Variants in NFU1 observed in about 807,000 individuals in gnomAD.
NFU1 encodes the protein NFU1 iron-sulfur cluster scaffold, also known as NFU1 iron-sulfur cluster scaffold homolog, mitochondrial.
In NFU1, 30 loss-of-function variants were observed where a neutral mutation model predicts 32.2. That is an observed-to-expected ratio of 0.93 (90% CI 0.70 to 1.26). The LOEUF (loss-of-function observed/expected upper bound fraction) is 1.26, where lower values mean the gene tolerates loss of function less well. Ranked by LOEUF, NFU1 falls within the 50% of genes most tolerant of loss-of-function variation. The probability of loss-of-function intolerance (pLI) is 0.00; values close to 1 mark genes in which losing one functional copy is unlikely to be tolerated. For missense variants in NFU1, 306 were observed against 306.6 expected, an observed-to-expected ratio of 1.00 and a Z score of 0.02; for synonymous variants, 112 against 104.6, an observed-to-expected ratio of 1.07 and a Z score of -0.43.
intron 2 of NFU1, among the ~76,000 whole-genome samples, chr2:69,431,673 GA>G (rs1467704591): frequency 6.6e-6 from 1 of 152,122 alleles, no homozygotes. Context: ...TGTTGCAGGG[GA>G]TATGTTATAC....
intron 5 of NFU1, among the ~76,000 whole-genome samples, chr2:69,412,631 C>T (rs558846638): frequency 1.7e-3 from 259 of 152,182 alleles, no homozygotes; most frequent in African/African-American, 5.8e-3. Flanking sequence ...GTGATCCACC[C>T]GCCTCGGCCT....
At chr2:69,436,313 T>C (rs892325814) in intron 1 of NFU1, among the ~76,000 whole-genome samples, 11 of 152,324 alleles carry the variant, frequency 7.2e-5, no homozygotes, top group South Asian at 4.1e-4. Flanking sequence ...CATTATTTAA[T>C]TGGTGCCCAA....
chr2:69,408,232 A>G (rs1406206638), intron 5 of NFU1, among the ~76,000 whole-genome samples: 1 of 152,118 alleles, frequency 6.6e-6, no homozygotes, highest in East Asian at 1.9e-4. Flanking sequence ...ATACTATTCT[A>G]TATCTTGCTC....
At chr2:69,417,757 G>T (rs1673104617) in intron 4 of NFU1, among the ~76,000 whole-genome samples, 1 of 149,352 alleles carries the variant, frequency 6.7e-6, no homozygotes, top group South Asian at 2.1e-4. Context: ...TTTCACTTAA[G>T]AAAAAATTGT....
chr2:69,437,500 G>A, upstream of NFU1: 2 of 1,542,194 alleles, frequency 1.3e-6, no homozygotes, highest in Non-Finnish European at 1.8e-6. Flanking sequence ...CGGTAGCTGG[G>A]CGGGCACTGG....
At chr2:69,407,452 A>C (rs1293888990) in intron 5 of NFU1, among the ~76,000 whole-genome samples, 1 of 151,904 alleles carries the variant, frequency 6.6e-6, no homozygotes, top group Non-Finnish European at 1.5e-5. Context: ...TGAGGTAGGC[A>C]CATCACTTGA....
chr2:69,424,915 C>T (rs1267814774), intron 2 of NFU1, among the ~76,000 whole-genome samples: 17 of 136,684 alleles, frequency 1.2e-4, no homozygotes, highest in African/African-American at 2.3e-4. Context: ...CTCCCTCTGT[C>T]GCCCAGGCTG....
chr2:69,429,951 C>G, intron 2 of NFU1: 1 of 298,300 alleles, frequency 3.4e-6, no homozygotes, highest in Middle Eastern at 9.5e-4. Flanking sequence ...ATGGCTGGAG[C>G]CCAGGAGGCG....
At chr2:69,435,062 A>G (rs1212863106) in intron 1 of NFU1, among the ~76,000 whole-genome samples, 1 of 152,242 alleles carries the variant, frequency 6.6e-6, no homozygotes, top group African/African-American at 2.4e-5. Context: ...TGCAACTCTT[A>G]GGACCGCCAG....
intron 1 of NFU1, among the ~76,000 whole-genome samples, chr2:69,434,536 T>C (rs573550442): frequency 6.6e-6 from 1 of 152,318 alleles, no homozygotes; most frequent in African/African-American, 2.4e-5. Flanking sequence ...AAAGCAAATA[T>C]TACTGGAAAA....
At chr2:69,407,015 G>C (rs1398110447) in intron 5 of NFU1, among the ~76,000 whole-genome samples, 1 of 152,098 alleles carries the variant, frequency 6.6e-6, no homozygotes, top group African/African-American at 2.4e-5. Context: ...TCGCGTGTTT[G>C]CTTCCCCTTC....
At chr2:69,418,114 G>GC (rs1474995751) in intron 4 of NFU1, among the ~76,000 whole-genome samples, 1 of 47,778 alleles carries the variant, frequency 2.1e-5, no homozygotes, top group Admixed American at 2.0e-4. Context: ...ACTGAAGAAT[G>GC]GGGGGCTGGA....
intron 4 of NFU1, among the ~76,000 whole-genome samples, chr2:69,418,609 G>A (rs1323785238): frequency 6.6e-6 from 1 of 152,108 alleles, no homozygotes; most frequent in Admixed American, 6.5e-5. Context: ...TGGGGCTACA[G>A]GCGCCCGCCA....
At chr2:69,438,666 G>A (rs988901138), upstream of NFU1, among the ~76,000 whole-genome samples, 3 of 152,124 alleles carry the variant, frequency 2.0e-5, no homozygotes, top group Admixed American at 6.5e-5. Context: ...CAGCACACCT[G>A]TTGTTGAACA....
intron 7 of NFU1, among the ~76,000 whole-genome samples, chr2:69,399,581 C>A (rs1288767224): frequency 2.0e-5 from 3 of 147,766 alleles, no homozygotes; most frequent in Non-Finnish European, 3.0e-5. Flanking sequence ...GAATTCAAGA[C>A]CAACTTGGGC....
intron 2 of NFU1, chr2:69,429,964 G>A (rs1043033482): frequency 3.1e-6 from 1 of 318,276 alleles, no homozygotes; most frequent in Admixed American, 3.9e-5. Context: ...AGGAGGCGGA[G>A]GTTACAGTGA....
Position 69,396,643 on chromosome 2 carries a change from A to G in NFU1, c.721-353T>C, listed in dbSNP as rs548770371. On this transcript the variant is annotated intron_variant, in intron 7 of 7. Coordinates refer to ENST00000410022, the MANE Select transcript of NFU1 (RefSeq NM_001002755.4). ...ACTCCAGCGTGGGCAACACAGCGAG[A>G]CTCTGTCTCAAAAAAAAAATAAAAT... Among the ~76,000 whole-genome samples, 11 of 152,076 alleles carry G rather than the reference A, an allele frequency of 7.2e-5. No homozygotes were observed. The South Asian group carries it at 1.7e-3, about 23-fold the overall frequency.
At position 69,416,758 on chromosome 2, in the gene NFU1, C is replaced by T. The variant is rs555364254; in HGVS notation, c.370-1459G>A. Among the ~76,000 whole-genome samples, 37 of 152,088 alleles carry T rather than the reference C, an allele frequency of 2.4e-4. No homozygotes were observed. The East Asian group carries it at 6.9e-3, about 29-fold the overall frequency. ...TACTAATAATACAAAAATTAGCCGG[C>T]GTGGTTGCAGAGGCCTGTAATCCCA... On this transcript the variant is annotated intron_variant, in intron 4 of 7. Transcript: ENST00000410022.
At position 69,423,673 on chromosome 2, in the gene NFU1, T is replaced by C; in HGVS notation, c.211A>G (p.Ser71Gly). The change falls in exon 3 of 8, where the codon AGC becomes GGC. Residue 71 changes from serine (S) to glycine (G), a missense_variant. By Grantham distance (56) the Ser-to-Gly change is moderately conservative. Transcript: ENST00000410022. ...IQTQDTPNPNSLKFIPGKPVL... is the reference protein window; with the variant it reads ...IQTQDTPNPNGLKFIPGKPVL... ...GGTTTTCCTGGTATAAACTTTAAGC[T>C]GTTTGGATTTGGGGTATCTTGTGTT... 1.2e-6 allele frequency: 2 copies of C among 1,609,802 alleles called. No individual in the cohort carries two copies. Among genetic ancestry groups the C allele is most frequent in the Non-Finnish European group, 1.7e-6 (2 of 1,176,148 alleles).
Sources: gnomAD v4.1 joint callset for allele counts (sites outside exome capture counted in the v4.1 genomes callset) on GRCh38, gnomAD v4.1.1 for gene constraint, MANE v1.5 for transcripts, NCBI Gene and HGNC (gene_info 2026-07-23, HGNC 2026-07-21) for gene names.